JAK2: variants seen among roughly 807,000 people sequenced by gnomAD.
JAK2 encodes the protein Janus kinase 2, also known as tyrosine-protein kinase JAK2.
A neutral mutation model predicts 139.3 loss-of-function variants in JAK2; 86 were observed. The observed-to-expected ratio is 0.62, with a 90% confidence interval of 0.52 to 0.74. The LOEUF (loss-of-function observed/expected upper bound fraction) is 0.74. JAK2 is among the 30% of genes least tolerant of loss of function. The pLI is 0.00. For missense variants in JAK2, 1,421 were observed against 1,360.3 expected (o/e 1.04, Z -0.70); for synonymous variants, 490 against 437.7 (o/e 1.12, Z -1.49).
chr9:5,119,625 A>C (rs940514131), intron 22 of JAK2, among the ~76,000 whole-genome samples: 8 of 152,204 alleles, frequency 5.3e-5, no homozygotes, highest in African/African-American at 1.9e-4. Context: ...TATGGCTAAG[A>C]TTATAACTTA....
chr9:4,997,103 AT>A (rs1021266644), intron 2 of JAK2, among the ~76,000 whole-genome samples: 2 of 148,468 alleles, frequency 1.3e-5, no homozygotes, highest in African/African-American at 2.5e-5. Context: ...TAATTTTTAT[AT>A]TTTTTTTTGT....
chr9:5,041,847 A>G, intron 4 of JAK2: 3 of 470,854 alleles, frequency 6.4e-6, no homozygotes, highest in Non-Finnish European at 1.3e-5. Flanking sequence ...TGGGGAGCTG[A>G]ACGCGGACGA....
intron 2 of JAK2, among the ~76,000 whole-genome samples, chr9:5,007,125 C>G (rs909123982): frequency 6.6e-6 from 1 of 151,764 alleles, no homozygotes; most frequent in South Asian, 2.1e-4. Context: ...TCTCTGATTT[C>G]TGCTCTTAAG....
At chr9:5,062,460 G>C (rs570086995) in intron 8 of JAK2, among the ~76,000 whole-genome samples, 54 of 122,186 alleles carry the variant, frequency 4.4e-4, no homozygotes, top group African/African-American at 1.6e-3. Context: ...TGATAGACTT[G>C]TACTTGCTCC....
Position 5,050,733 on chromosome 9 carries a change from T to C in JAK2, c.516T>C (p.His172=). 3 of 1,613,904 alleles carry C rather than the reference T, an allele frequency of 1.9e-6. No homozygotes were observed. Among genetic ancestry groups the C allele is most frequent in the Non-Finnish European group, 2.5e-6 (3 of 1,179,848 alleles). ...GATGGATAAAAGTACCTGTGACTCATGAAACACAGGAAGAATGTCTTGGGA... is the reference window on the plus strand; with the variant it reads ...GATGGATAAAAGTACCTGTGACTCACGAAACACAGGAAGAATGTCTTGGGA... ...VHGWIKVPVT[H]ETQEECLGMA... The change falls in exon 6 of 25, where the codon CAT becomes CAC. Residue 172 remains histidine, a synonymous_variant. Transcript: ENST00000381652.
intron 22 of JAK2, chr9:5,114,600 C>G: frequency 4.1e-6 from 2 of 490,290 alleles, no homozygotes; most frequent in Non-Finnish European, 8.0e-6. Flanking sequence ...GGTGCAGTGG[C>G]TGTACAACGA....
At chr9:4,999,173 T>A (rs1280401276) in intron 2 of JAK2, among the ~76,000 whole-genome samples, 1 of 152,202 alleles carries the variant, frequency 6.6e-6, no homozygotes, top group Non-Finnish European at 1.5e-5. Context: ...CTTCTGACGC[T>A]GGCCCAAGGT....
intron 4 of JAK2, among the ~76,000 whole-genome samples, chr9:5,035,641 TATC>T (rs1210983903): frequency 4.6e-5 from 7 of 152,124 alleles, no homozygotes; most frequent in Non-Finnish European, 1.5e-5. Context: ...ACCATATGAT[TATC>T]TCAGAGGCAG....
At chr9:5,085,170 C>T (rs1048556198) in intron 19 of JAK2, 5 of 650,982 alleles carry the variant, frequency 7.7e-6, no homozygotes, top group South Asian at 1.4e-5. Context: ...CTACATCTCC[C>T]GGCAAACTGA....
At chr9:5,041,696 C>T (rs1261963921) in intron 4 of JAK2, 10 of 506,406 alleles carry the variant, frequency 2.0e-5, no homozygotes, top group African/African-American at 9.8e-5. Flanking sequence ...GAAGCGGCTT[C>T]GTGTTCGACT....
At chr9:5,077,645 C>A in intron 15 of JAK2, 65 bp downstream of exon 15, 1 of 1,044,386 alleles carries the variant, frequency 9.6e-7, no homozygotes, top group Non-Finnish European at 1.3e-6. Flanking sequence ...TACAAATTAT[C>A]TTTACCTGGA....
intron 19 of JAK2, among the ~76,000 whole-genome samples, chr9:5,082,443 T>A (rs1380584136): frequency 1.3e-5 from 2 of 152,188 alleles, no homozygotes; most frequent in African/African-American, 4.8e-5. Context: ...ATGTCTCGCC[T>A]CCCGCCACAG....
chr9:5,051,483 A>G (rs1196099323), intron 6 of JAK2, among the ~76,000 whole-genome samples: 2 of 152,142 alleles, frequency 1.3e-5, no homozygotes, highest in Non-Finnish European at 2.9e-5. Context: ...AGAGATTTGG[A>G]TTCAGTAAAT....
At chr9:5,062,906 CTTTT>C (rs1301399834) in intron 8 of JAK2, among the ~76,000 whole-genome samples, 1 of 151,926 alleles carries the variant, frequency 6.6e-6, no homozygotes, top group African/African-American at 2.4e-5. Context: ...GACTAGTTTT[CTTTT>C]TTTATTTTTA....
At chr9:5,040,163 G>A (rs7023146) in intron 4 of JAK2, among the ~76,000 whole-genome samples, 93,989 of 152,058 alleles carry the variant, frequency 0.62, 31,205 homozygotes, top group African/African-American at 0.88. Context: ...CATTGATGGT[G>A]ATTGATTTTT....
intron 4 of JAK2, among the ~76,000 whole-genome samples, chr9:5,038,016 G>A (rs968298239): frequency 3.3e-5 from 5 of 152,100 alleles, no homozygotes; most frequent in Non-Finnish European, 7.4e-5. Context: ...AATAATGAAC[G>A]AGATTGCTTG....
intron 2 of JAK2, among the ~76,000 whole-genome samples, chr9:5,019,665 C>T (rs1822286772): frequency 6.6e-6 from 1 of 152,154 alleles, no homozygotes; most frequent in African/African-American, 2.4e-5. Context: ...ATCATCACTT[C>T]CATTTTTTTG....
intron 4 of JAK2, among the ~76,000 whole-genome samples, chr9:5,032,211 G>C (rs1053935370): frequency 6.6e-6 from 1 of 152,220 alleles, no homozygotes; most frequent in Admixed American, 6.5e-5. Flanking sequence ...AGGGGCGCCC[G>C]CCATTGCCGA....
chr9:5,061,928 T>C (rs1397158179), intron 8 of JAK2, among the ~76,000 whole-genome samples: 1 of 152,148 alleles, frequency 6.6e-6, no homozygotes, highest in Non-Finnish European at 1.5e-5. Flanking sequence ...CTAATTTCAT[T>C]ATTGTTGTGT....
Sources: allele counts gnomAD v4.1 joint callset (sites outside exome capture counted in the v4.1 genomes callset), GRCh38; gene constraint gnomAD v4.1.1; transcripts MANE v1.5; gene names NCBI Gene and HGNC (gene_info 2026-07-23, HGNC 2026-07-21).